DNAH8: variants seen among roughly 807,000 people sequenced by gnomAD.
The protein encoded by DNAH8 is axonemal beta dynein heavy chain 8.
DNAH8 carries 382 observed loss-of-function variants against 562.1 expected under a neutral mutation model. That is an observed-to-expected ratio of 0.68 (90% CI 0.63 to 0.74). DNAH8 has a LOEUF of 0.74. DNAH8 is among the 30% of genes least tolerant of loss of function. The pLI, the probability that DNAH8 is intolerant of heterozygous loss-of-function variation, is 0.00. For missense variants in DNAH8, 5,203 were observed against 5,620.4 expected (o/e 0.93, Z 2.37); for synonymous variants, 1,881 against 1,919.4 (o/e 0.98, Z 0.52).
In DNAH8 at chr6:38,726,884, G is replaced by T. The variant is rs1363578777; in HGVS notation, c.526-3018G>T. On this transcript the variant is annotated intron_variant, in intron 3 of 92. Transcript: ENST00000327475. ...TTTTTTTTTTTTTTTTTGAGACAGA[G>T]TCTTCCTCTGTTACCCAGCCTGGAG... Among the ~76,000 whole-genome samples the T allele has an allele frequency of 1.3e-4, 16 of 122,836 alleles. No homozygotes were observed. The Admixed American group carries it at 1.6e-3, about 12-fold the overall frequency. 80.6% of individuals were successfully genotyped at this position (122,836 alleles called of 152,430 possible).
In DNAH8 at chr6:39,012,483, T is replaced by C. The variant is rs1278124014; in HGVS notation, c.13560T>C (p.Ala4520=). The part of the protein sequence containing the change: ...LRDALDNMYD[A]RIPQLWKRVS... ...ATGCTCTGGACAACATGTATGATGC[T>C]CGTATACCTCAGCTCTGGAAAAGAG... The change falls in exon 91 of 93, where the codon GCT becomes GCC. Residue 4520 remains alanine, a synonymous_variant. Transcript: ENST00000327475. 6.2e-7 allele frequency: 1 copy of C among 1,614,148 alleles called. No homozygotes were observed. Among genetic ancestry groups the C allele is most frequent in the East Asian group, 2.2e-5 (1 of 44,884 alleles).
intron 12 of DNAH8, among the ~76,000 whole-genome samples, chr6:38,772,531 A>G (rs72849175): frequency 0.028 from 4,307 of 152,166 alleles, 102 homozygotes; most frequent in Non-Finnish European, 0.043. Flanking sequence ...GATTCTTTGC[A>G]TATATTTAAC....
intron 8 of DNAH8, among the ~76,000 whole-genome samples, chr6:38,750,111 C>T (rs2127594668): frequency 6.6e-6 from 1 of 152,324 alleles, no homozygotes; most frequent in Admixed American, 6.5e-5. Flanking sequence ...GGATTACAGG[C>T]GTAAGCCACC....
chr6:38,873,278 C>T lies in DNAH8; in HGVS notation c.7522C>T (p.Leu2508=), dbSNP rs1396127978. 6.2e-7 allele frequency: 1 copy of T among 1,613,648 alleles called. No individual in the cohort carries two copies. The highest frequency in any genetic ancestry group is 2.2e-5 in the East Asian group (1 of 44,844). The change falls in exon 52 of 93, where the codon CTG becomes TTG. Residue 2508 remains leucine, a synonymous_variant. Transcript: ENST00000327475. ...KRTAQEAAVF[L]TLYEKVFEDT... Reference sequence around the variant, plus strand: ...CACTGCACAGGAAGCTGCTGTATTCCTGACACTGTATGAGAAAGTCTTTGA... The same window carrying T: ...CACTGCACAGGAAGCTGCTGTATTCTTGACACTGTATGAGAAAGTCTTTGA...
intron 36 of DNAH8, among the ~76,000 whole-genome samples, chr6:38,846,777 A>C (rs112386636): frequency 3.3e-5 from 5 of 152,262 alleles, no homozygotes; most frequent in African/African-American, 1.2e-4. Context: ...CTGTAGATTC[A>C]CCTGGGCAGT....
At position 38,814,074 on chromosome 6, in the gene DNAH8, C is replaced by A; in HGVS notation, c.3278C>A (p.Ser1093Ter). ...FVASLYGRKQSEDIISFIKSE... is the reference protein window; with the variant it reads ...FVASLYGRKQ ...TGCAGCCTTTATGGGCGAAAGCAGT[C>A]AGAAGATATTATTTCCTTTATAAAA... Residue 1093 changes from serine to a stop codon, truncating the protein, a stop_gained, in exon 25 of 93, where the codon TCA becomes TAA. Coordinates refer to ENST00000327475, the MANE Select transcript of DNAH8 (RefSeq NM_001206927.2). LOFTEE classifies it high-confidence loss of function. The A allele has an allele frequency of 6.3e-7, 1 of 1,593,402 alleles. No homozygotes were observed. The highest frequency in any genetic ancestry group is 8.6e-7 in the Non-Finnish European group (1 of 1,162,668).
chr6:38,925,938 G>A, intron 73 of DNAH8, 117 bp from the exon 74 acceptor site: 1 of 992,420 alleles, frequency 1.0e-6, no homozygotes. Context: ...AAGTTGCATA[G>A]TCTCAAAGGA....
chr6:38,831,348 C>T (rs1400005232), intron 30 of DNAH8, among the ~76,000 whole-genome samples: 3 of 151,242 alleles, frequency 2.0e-5, no homozygotes, highest in African/African-American at 7.3e-5. Context: ...TCACTTGAGC[C>T]CCAGAGGTTG....
At chr6:38,852,452 T>TC (rs1775830763) in intron 39 of DNAH8, among the ~76,000 whole-genome samples, 1 of 151,982 alleles carries the variant, frequency 6.6e-6, no homozygotes, top group African/African-American at 2.4e-5. Flanking sequence ...CAGTCCTTAG[T>TC]CTAATCTGCA....
At chr6:38,854,415 A>G (rs1718179679) in intron 41 of DNAH8, among the ~76,000 whole-genome samples, 3 of 152,290 alleles carry the variant, frequency 2.0e-5, no homozygotes, top group South Asian at 4.1e-4. Context: ...ACTCCTCCCA[A>G]CCTGAGCTCC....
intron 88 of DNAH8, among the ~76,000 whole-genome samples, chr6:38,999,988 A>C (rs1391876367): frequency 6.6e-6 from 1 of 152,054 alleles, no homozygotes; most frequent in Non-Finnish European, 1.5e-5. Context: ...AACAATAATA[A>C]CAATATACTA....
Position 38,953,313 on chromosome 6 carries a change from C to T in DNAH8, c.12451+1793C>T, listed in dbSNP as rs566182591. On this transcript the variant is annotated intron_variant, in intron 82 of 92. Coordinates refer to ENST00000327475, the MANE Select transcript of DNAH8 (RefSeq NM_001206927.2). ...GGGGGACATTTCTTAGAAGATACAA[C>T]GCCTAGAAGAAGGAGTATTCAACTA... Among the ~76,000 whole-genome samples, 8 of 152,214 alleles carry T rather than the reference C, an allele frequency of 5.3e-5. No homozygotes were observed. The South Asian group carries it at 6.2e-4, about 12-fold the overall frequency.
At chr6:38,897,028 C>T (rs1412132999) in intron 60 of DNAH8, among the ~76,000 whole-genome samples, 3 of 152,042 alleles carry the variant, frequency 2.0e-5, no homozygotes, top group South Asian at 2.1e-4. Context: ...CCATGCCTGG[C>T]TAATTTTTTG....
chr6:38,757,360 A>G (rs1766019915), intron 10 of DNAH8, among the ~76,000 whole-genome samples: 1 of 150,970 alleles, frequency 6.6e-6, no homozygotes, highest in Middle Eastern at 3.2e-3. Context: ...CCACTTTTTG[A>G]TGGGGTTGTT....
At chr6:38,779,364 T>C (rs1198282510) in intron 14 of DNAH8, among the ~76,000 whole-genome samples, 1 of 152,142 alleles carries the variant, frequency 6.6e-6, no homozygotes, top group Non-Finnish European at 1.5e-5. Context: ...TGTCTCTGTC[T>C]CTCTATTTCT....
At chr6:38,828,124 TA>T in intron 29 of DNAH8, 59 bp from the exon 30 acceptor site, 1 of 1,086,992 alleles carries the variant, frequency 9.2e-7, no homozygotes, top group Non-Finnish European at 1.4e-6. Context: ...AGAAGGCGTC[TA>T]AATCATTTGG....
chr6:38,882,940 A>C lies in DNAH8; in HGVS notation c.7889A>C (p.Gln2630Pro), dbSNP rs759542408. 1 of 1,599,490 alleles carries C rather than the reference A, an allele frequency of 6.3e-7. No homozygotes were observed. The highest frequency in any genetic ancestry group is 1.3e-5 in the African/African-American group (1 of 74,374). The change falls in exon 54 of 93, where the codon CAG becomes CCG. Residue 2630 changes from glutamine (Q) to proline (P), a missense_variant. Transcript: ENST00000327475. ...TGGGAGCACTGGAATAAGAAACTTC[A>C]GCCTTATTATTATCCAACTGACAGT... ...GDWEHWNKKL[Q>P]PYYYPTDSIP...
chr6:38,758,772 A>G (rs1211581945), intron 10 of DNAH8, among the ~76,000 whole-genome samples: 2 of 152,186 alleles, frequency 1.3e-5, no homozygotes, highest in Non-Finnish European at 2.9e-5. Flanking sequence ...CCTTATCTGC[A>G]TCTGTTGAGA....
chr6:38,911,746 G>A (rs1780919840), intron 66 of DNAH8, among the ~76,000 whole-genome samples, 160 bp downstream of exon 66: 1 of 152,090 alleles, frequency 6.6e-6, no homozygotes, highest in African/African-American at 2.4e-5. Context: ...TTGACCTGTC[G>A]AGAAACTCTG....
Sources: allele counts gnomAD v4.1 joint callset (sites outside exome capture counted in the v4.1 genomes callset), GRCh38; gene constraint gnomAD v4.1.1; transcripts MANE v1.5; gene names NCBI Gene and HGNC (gene_info 2026-07-23, HGNC 2026-07-21).